Variants in JAK2 observed in about 807,000 individuals in gnomAD.
JAK2 encodes the protein Janus kinase 2, also known as tyrosine-protein kinase JAK2.
Under a neutral mutation model 139.3 loss-of-function variants are expected in JAK2, and 86 were observed. That is an observed-to-expected ratio of 0.62 (90% confidence interval 0.52 to 0.74). The LOEUF is 0.74. Ranked by LOEUF, JAK2 falls within the 30% of genes least tolerant of loss-of-function variation. The pLI, the probability that JAK2 is intolerant of heterozygous loss-of-function variation, is 0.00. For missense variants in JAK2, 1,421 were observed against 1,360.3 expected (o/e 1.04, Z -0.70); for synonymous variants, 490 against 437.7 (o/e 1.12, Z -1.49).
chr9:5,083,655 T>C (rs1819872022), intron 19 of JAK2, among the ~76,000 whole-genome samples: 1 of 152,148 alleles, frequency 6.6e-6, no homozygotes, highest in Non-Finnish European at 1.5e-5. Flanking sequence ...TTTTGTCATA[T>C]ATTGTCAAAA....
At chr9:5,108,669 C>G (rs1388941430) in intron 22 of JAK2, 1 of 152,038 alleles carries the variant, frequency 6.6e-6, no homozygotes, top group South Asian at 2.1e-4. Context: ...TACCCTTATC[C>G]TCAGCCCCCT....
At position 4,985,639 on chromosome 9, in the gene JAK2, T is replaced by G. The variant is rs1563905312; in HGVS notation, c.-109+9T>G. On this transcript the variant is annotated intron_variant, in intron 1 of 24. Coordinates refer to ENST00000381652, the MANE Select transcript of JAK2 (RefSeq NM_004972.4). The stretch of plus-strand genomic sequence containing the variant: ...CCCGATCTGTGTAGCCGGTGGGTGT[T>G]ATCTCTGCCTGGCTTCTGGGTGGGG... 1 of 152,336 alleles carries G rather than the reference T, an allele frequency of 6.6e-6. No homozygotes were observed. The highest frequency in any genetic ancestry group is 2.1e-4 in the South Asian group (1 of 4,826). 9.4% of individuals were successfully genotyped at this position (152,336 alleles called of 1,614,324 possible).
chr9:5,099,888 C>T lies in JAK2; in HGVS notation c.3059+8977C>T, dbSNP rs970946565. ...GTATAGCAATCCCCCTGTGAGCAGG[C>T]GCAGTAATTACAGTCTTCTGCTTTA... On this transcript the variant is annotated intron_variant, in intron 22 of 24. Transcript: ENST00000381652. 6.6e-5 allele frequency: 10 copies of T among 152,186 alleles called. 1 individual carries two copies. Among genetic ancestry groups the T allele is most frequent in the South Asian group, 4.1e-4 (2 of 4,826 alleles). The allele number at this position is 152,186 out of a possible 1,614,324, so 9.4% of individuals were successfully genotyped here. A position where few individuals can be genotyped will look rare whatever the true frequency, so the allele number is the denominator to read the frequency against.
chr9:5,089,939 C>G (rs1237535009), intron 20 of JAK2, 76 bp downstream of exon 20: 1 of 1,014,388 alleles, frequency 9.9e-7, no homozygotes, highest in Non-Finnish European at 1.3e-6. Context: ...TGTACAATGT[C>G]TTAACGATCT....
chr9:5,093,261 C>A (rs754524263), intron 22 of JAK2, among the ~76,000 whole-genome samples: 1 of 152,130 alleles, frequency 6.6e-6, no homozygotes, highest in Non-Finnish European at 1.5e-5. Context: ...AAAAGGAACT[C>A]GGCAAATCTT....
At chr9:5,081,698 AG>A in intron 18 of JAK2, 26 bp from the exon 19 acceptor site, 1 of 1,519,070 alleles carries the variant, frequency 6.6e-7, no homozygotes, top group East Asian at 2.3e-5. Flanking sequence ...TGCTAATTTA[AG>A]GTGATAATAT....
rs12352123 is a variant in JAK2 at position 5,007,819 on chromosome 9, C to T, written c.-25-14144C>T. ...CTTGGCTCACTGCAATCTCTGCCTCCCAGGTTCAAGCAATTCTCCTATCTC... is the reference window on the plus strand; with the variant it reads ...CTTGGCTCACTGCAATCTCTGCCTCTCAGGTTCAAGCAATTCTCCTATCTC... On this transcript the variant is annotated intron_variant, in intron 2 of 24. Coordinates refer to ENST00000381652, the MANE Select transcript of JAK2 (RefSeq NM_004972.4). 5.6e-3 allele frequency among the ~76,000 whole-genome samples: 844 copies of T among 151,940 alleles called. 8 individuals are homozygous for T. Among genetic ancestry groups the T allele is most frequent in the African/African-American group, 0.019 (777 of 41,418 alleles).
In JAK2 at chr9:5,077,507, A is replaced by G. The variant is rs867162646; in HGVS notation, c.1919A>G (p.Lys640Arg). ...GGATCACTAGATACATATCTGAAAA[A>G]GAATAAAAATTGTATAAATATATTA... ...KFGSLDTYLKKNKNCINILWK... is the reference protein window; with the variant it reads ...KFGSLDTYLKRNKNCINILWK... Residue 640 changes from lysine (K) to arginine (R), a missense_variant, in exon 15 of 25, where the codon AAG becomes AGG. Coordinates refer to ENST00000381652, the MANE Select transcript of JAK2 (RefSeq NM_004972.4). 3 of 1,441,196 alleles carry G rather than the reference A, an allele frequency of 2.1e-6. No individual in the cohort carries two copies. Among genetic ancestry groups the G allele is most frequent in the Non-Finnish European group, 1.9e-6 (2 of 1,077,808 alleles). 89.3% of individuals were successfully genotyped at this position (1,441,196 alleles called of 1,614,324 possible). A position where few individuals can be genotyped will look rare whatever the true frequency, so the allele number is the denominator to read the frequency against.
At chr9:5,112,569 G>C (rs376054606) in intron 22 of JAK2, 1 of 656,934 alleles carries the variant, frequency 1.5e-6, no homozygotes, top group Non-Finnish European at 2.6e-6. Flanking sequence ...CCAGGGAGCG[G>C]CTGCGGGTCC....
At chr9:5,094,085 C>T (rs1028925337) in intron 22 of JAK2, 1 of 152,156 alleles carries the variant, frequency 6.6e-6, no homozygotes, top group Non-Finnish European at 1.5e-5. Context: ...AGGTTCAACT[C>T]CCCTTCTTAA....
At chr9:5,064,428 G>C (rs573473486) in intron 8 of JAK2, among the ~76,000 whole-genome samples, 1 of 151,254 alleles carries the variant, frequency 6.6e-6, no homozygotes, top group African/African-American at 2.4e-5. Context: ...TACTCATGAG[G>C]GTGAGGTGGG....
chr9:5,018,721 C>T (rs1822226131), intron 2 of JAK2, among the ~76,000 whole-genome samples: 1 of 152,188 alleles, frequency 6.6e-6, no homozygotes, highest in Admixed American at 6.5e-5. Context: ...AATTCCTCAG[C>T]TTTTGCTTGC....
chr9:5,073,713 G>A lies in JAK2; in HGVS notation c.1792G>A (p.Ala598Thr), dbSNP rs1313389637. 2 of 1,610,922 alleles carry A rather than the reference G, an allele frequency of 1.2e-6. No individual in the cohort carries two copies. Among genetic ancestry groups the A allele is most frequent in the African/African-American group, 2.7e-5 (2 of 74,770 alleles). ...TTTTCCTTAGTCTTTCTTTGAAGCA[G>A]CAAGTATGATGAGCAAGCTTTCTCA... is the stretch of plus-strand genomic sequence containing the variant. ...RNYSESFFEA[A>T]SMMSKLSHKH... is the part of the protein sequence containing the mutation. Residue 598 changes from alanine to threonine, a missense_variant, in exon 14 of 25, where the codon GCA becomes ACA. Physicochemically the swap from Ala to Thr is moderately conservative, Grantham distance 58. Coordinates refer to ENST00000381652, the MANE Select transcript of JAK2 (RefSeq NM_004972.4).
At chr9:5,062,469 C>A (rs1818250331) in intron 8 of JAK2, among the ~76,000 whole-genome samples, 1 of 133,696 alleles carries the variant, frequency 7.5e-6, no homozygotes, top group African/African-American at 3.1e-5. Flanking sequence ...TGTACTTGCT[C>A]CACTTAAGTT....
Position 5,055,337 on chromosome 9 carries a change from A to T in JAK2, c.937-332A>T, listed in dbSNP as rs114735954. Reference sequence around the variant, plus strand: ...TGTTGTTCATAGATTGTTACTAGAGATTTAGAGGGATCATTTTTTAATTTT... The same window carrying T: ...TGTTGTTCATAGATTGTTACTAGAGTTTTAGAGGGATCATTTTTTAATTTT... On this transcript the variant is annotated intron_variant, in intron 7 of 24. Transcript: ENST00000381652. Among the ~76,000 whole-genome samples, 416 of 152,058 alleles carry T rather than the reference A, an allele frequency of 2.7e-3. 3 individuals carry two copies. The highest frequency in any genetic ancestry group is 9.7e-3 in the African/African-American group (403 of 41,530).
intron 3 of JAK2, among the ~76,000 whole-genome samples, chr9:5,025,550 T>TTC (rs912626438): frequency 6.6e-6 from 1 of 151,734 alleles, no homozygotes; most frequent in Non-Finnish European, 1.5e-5. Flanking sequence ...TTTTTTTTTT[T>TTC]TGAGACTGAG....
intron 4 of JAK2, among the ~76,000 whole-genome samples, chr9:5,035,554 G>C (rs908306387): frequency 1.3e-4 from 20 of 152,276 alleles, no homozygotes; most frequent in South Asian, 6.2e-4. Context: ...TGGGCTTCAT[G>C]CCTGGGATGC....
chr9:5,122,479 T>A (rs1823691931), intron 22 of JAK2, among the ~76,000 whole-genome samples: 1 of 152,108 alleles, frequency 6.6e-6, no homozygotes. Context: ...GCAGCTTATT[T>A]TCACTTCTTA....
At chr9:5,094,330 T>G (rs1820812969) in intron 22 of JAK2, 1 of 152,326 alleles carries the variant, frequency 6.6e-6, no homozygotes, top group African/African-American at 2.4e-5. Flanking sequence ...CCTCCTCTTC[T>G]GGACTCCCCT....
Sources: allele counts gnomAD v4.1 joint callset (sites outside exome capture counted in the v4.1 genomes callset), GRCh38; gene constraint gnomAD v4.1.1; transcripts MANE v1.5; gene names NCBI Gene and HGNC (gene_info 2026-07-23, HGNC 2026-07-21).